CATSPER3: variants seen among roughly 807,000 people sequenced by gnomAD.
The protein encoded by CATSPER3 is cation channel sperm associated 3.
In CATSPER3, 23 loss-of-function variants were observed where a neutral mutation model predicts 36.6. The ratio of observed to expected loss-of-function variants is 0.63; its 90% confidence interval spans 0.45 to 0.89. The LOEUF is 0.89. CATSPER3 is among the 40% of genes least tolerant of loss of function. The pLI is 0.00. For missense variants in CATSPER3, 474 were observed against 503.9 expected, an observed-to-expected ratio of 0.94 and a Z score of 0.57; for synonymous variants, 172 against 184.1, an observed-to-expected ratio of 0.93 and a Z score of 0.53.
At chr5:134,979,568 C>T (rs904474478) in intron 2 of CATSPER3, among the ~76,000 whole-genome samples, 25 of 152,274 alleles carry the variant, frequency 1.6e-4, no homozygotes, top group African/African-American at 5.3e-4. Context: ...GAATTTCTTA[C>T]AAACATTAAA....
Position 134,969,637 on chromosome 5 carries a change from A to G in CATSPER3, c.99-302A>G, listed in dbSNP as rs190448178. 377 of 408,920 alleles carry G rather than the reference A, an allele frequency of 9.2e-4. 2 individuals are homozygous for G. Among genetic ancestry groups the G allele is most frequent in the African/African-American group, 5.6e-3 (275 of 49,178 alleles). 25.3% of individuals were successfully genotyped at this position (408,920 alleles called of 1,614,324 possible). A position where few individuals can be genotyped will look rare whatever the true frequency, so the allele number is the denominator to read the frequency against. On this transcript the variant is annotated intron_variant, in intron 1 of 7. Transcript: ENST00000282611. ...TTGCTTGATATGTAGTTGCCACTCA[A>G]TAAAGATTTGTTGAGTCAATGAAGA...
chr5:134,990,165 T>TGAGG (rs1275791218), intron 2 of CATSPER3, among the ~76,000 whole-genome samples: 3 of 152,254 alleles, frequency 2.0e-5, no homozygotes, highest in Admixed American at 6.5e-5. Flanking sequence ...TTAGAAAGTT[T>TGAGG]ATTTTGCCAG....
Position 135,009,464 on chromosome 5 carries a change from G to A in CATSPER3, c.910G>A (p.Glu304Lys). 1 of 1,530,128 alleles carries A rather than the reference G, an allele frequency of 6.5e-7. No homozygotes were observed. Among genetic ancestry groups the A allele is most frequent in the Non-Finnish European group, 8.8e-7 (1 of 1,139,908 alleles). The allele number at this position is 1,530,128 out of a possible 1,614,324, so 94.8% of individuals were successfully genotyped here. The stretch of plus-strand genomic sequence containing the variant: ...GGTGATTCTGCAGCGGCAGCAGGAG[G>A]AGATCAGCAGGCTGATGCACATACA... ...KQVILQRQQE[E>K]ISRLMHIQKN... Residue 304 changes from glutamate (E) to lysine (K), a missense_variant, in exon 6 of 8, where the codon GAG becomes AAG. Transcript: ENST00000282611.
At chr5:135,002,457 C>T (rs1276805838) in intron 3 of CATSPER3, among the ~76,000 whole-genome samples, 4 of 152,108 alleles carry the variant, frequency 2.6e-5, no homozygotes, top group South Asian at 4.1e-4. Context: ...TTGCTCTTCT[C>T]GAGGAGTATC....
intron 2 of CATSPER3, among the ~76,000 whole-genome samples, chr5:134,981,210 G>C (rs940469635): frequency 2.0e-5 from 3 of 150,662 alleles, no homozygotes; most frequent in African/African-American, 7.3e-5. Flanking sequence ...ATCTCTGTTG[G>C]CCGGGCACAG....
At chr5:134,980,148 A>AT (rs1374551252) in intron 2 of CATSPER3, among the ~76,000 whole-genome samples, 3 of 151,758 alleles carry the variant, frequency 2.0e-5, no homozygotes, top group Non-Finnish European at 4.4e-5. Context: ...TGCCCAGCTA[A>AT]TTTTTTAATT....
intron 3 of CATSPER3, among the ~76,000 whole-genome samples, chr5:135,003,890 C>A (rs1752051498): frequency 6.6e-6 from 1 of 152,220 alleles, no homozygotes; most frequent in African/African-American, 2.4e-5. Context: ...TTCCTGATTC[C>A]TTGTGCTTCC....
intron 3 of CATSPER3, among the ~76,000 whole-genome samples, chr5:135,000,373 A>G (rs574408349): frequency 1.4e-4 from 22 of 152,356 alleles, no homozygotes; most frequent in African/African-American, 4.3e-4. Flanking sequence ...ATATTGGTCT[A>G]AAATTCTCTT....
Position 135,010,447 on chromosome 5 carries a change from G to T in CATSPER3, c.1011G>T (p.Met337Ile), listed in dbSNP as rs143349199. 6.3e-5 allele frequency: 101 copies of T among 1,613,370 alleles called. 1 individual carries two copies. The East Asian group carries it at 2.2e-3, about 36-fold the overall frequency. ...FKKTLSHTDP[M>I]VLDDFGTSLP... ...AGACCTTGAGCCACACTGACCCAATGGTCTTGGATGATTTTGGCACTAGCT... is the reference window on the plus strand; with the variant it reads ...AGACCTTGAGCCACACTGACCCAATTGTCTTGGATGATTTTGGCACTAGCT... Residue 337 changes from methionine (M) to isoleucine (I), a missense_variant, in exon 7 of 8, where the codon ATG becomes ATT. Coordinates refer to ENST00000282611, the MANE Select transcript of CATSPER3 (RefSeq NM_178019.3).
chr5:134,993,755 T>C (rs1751911256), intron 2 of CATSPER3, among the ~76,000 whole-genome samples: 1 of 152,228 alleles, frequency 6.6e-6, no homozygotes, highest in East Asian at 1.9e-4. Context: ...AGCATTGTCT[T>C]AGTTTAAAAT....
chr5:134,992,948 A>G (rs904493836), intron 2 of CATSPER3, among the ~76,000 whole-genome samples: 2 of 152,254 alleles, frequency 1.3e-5, no homozygotes, highest in African/African-American at 4.8e-5. Flanking sequence ...AGATACTTGT[A>G]TTGTGCATAC....
chr5:134,994,416 G>C (rs998838578), intron 2 of CATSPER3, among the ~76,000 whole-genome samples: 1 of 152,190 alleles, frequency 6.6e-6, no homozygotes, highest in Non-Finnish European at 1.5e-5. Flanking sequence ...TAGTCAAAGT[G>C]TTAGCAAAGA....
intron 1 of CATSPER3, 90 bp downstream of exon 1, chr5:134,968,179 CA>C (rs1751557559): frequency 1.0e-5 from 9 of 900,484 alleles, no homozygotes; most frequent in Non-Finnish European, 1.5e-5. Flanking sequence ...CCTCTTCCCT[CA>C]GATACTCGTC....
At chr5:134,993,169 C>T (rs1751899215) in intron 2 of CATSPER3, among the ~76,000 whole-genome samples, 1 of 152,080 alleles carries the variant, frequency 6.6e-6, no homozygotes, top group Admixed American at 6.6e-5. Context: ...TGGAATGAAC[C>T]TTGGAAACAT....
At chr5:134,979,903 A>G (rs1472086538) in intron 2 of CATSPER3, among the ~76,000 whole-genome samples, 2 of 151,654 alleles carry the variant, frequency 1.3e-5, no homozygotes, top group East Asian at 1.9e-4. Context: ...TAAAAAATCT[A>G]GGAGAACTTT....
chr5:134,970,392 C>T (rs1165318233), intron 2 of CATSPER3, among the ~76,000 whole-genome samples: 6 of 152,006 alleles, frequency 3.9e-5, no homozygotes, highest in African/African-American at 1.2e-4. Context: ...ATCTCTTGAC[C>T]TCGTGATCCA....
intron 7 of CATSPER3, among the ~76,000 whole-genome samples, chr5:135,010,904 A>G (rs893052841): frequency 1.3e-5 from 2 of 152,210 alleles, no homozygotes; most frequent in African/African-American, 4.8e-5. Context: ...GGCCTTGGGC[A>G]ATTCTCTGCC....
intron 2 of CATSPER3, among the ~76,000 whole-genome samples, chr5:134,984,736 G>T (rs1250402904): frequency 6.6e-6 from 1 of 151,634 alleles, no homozygotes; most frequent in Non-Finnish European, 1.5e-5. Context: ...AACTAAAGGT[G>T]TATCTACCAT....
rs759065227 is a variant in CATSPER3, at chr5:134,970,083, A to C, written c.243A>C (p.Arg81Ser). The C allele has an allele frequency of 2.0e-5, 33 of 1,613,966 alleles. No individual in the cohort carries two copies. Among genetic ancestry groups the C allele is most frequent in the Non-Finnish European group, 2.7e-5 (32 of 1,179,952 alleles). The change falls in exon 2 of 8, where the codon AGA becomes AGC. Residue 81 changes from arginine to serine, a missense_variant. Physicochemically the swap from Arg to Ser is moderately radical, Grantham distance 110. Transcript: ENST00000282611. ...ATGACATAAGGTACCGCTTGTTCAG[A>C]CTTCTTGAGGTAAGCAGACAAAATG... ...TSYDIRYRLF[R>S]LLEFSEIFFV...
Sources: gnomAD v4.1 joint callset for allele counts (sites outside exome capture counted in the v4.1 genomes callset) on GRCh38, gnomAD v4.1.1 for gene constraint, MANE v1.5 for transcripts, NCBI Gene and HGNC (gene_info 2026-07-23, HGNC 2026-07-21) for gene names.